The following TOP1 variants were observed in gnomAD, a reference collection of about 807,000 sequenced individuals.
TOP1 encodes the protein DNA topoisomerase I.
Under a neutral mutation model 111.1 loss-of-function variants are expected in TOP1, and 10 were observed. The ratio of observed to expected loss-of-function variants is 0.09; its 90% CI spans 0.06 to 0.15. The LOEUF (loss-of-function observed/expected upper bound fraction) is 0.15. Ranked by LOEUF, TOP1 falls within the 10% of genes least tolerant of loss-of-function variation. The pLI is 1.00. For missense variants in TOP1, 474 were observed against 926.7 expected, an observed-to-expected ratio of 0.51 and a Z score of 6.34; for synonymous variants, 271 against 302.9, an observed-to-expected ratio of 0.89 and a Z score of 1.10.
At chr20:41,088,587 G>A (rs896090890) in intron 8 of TOP1, among the ~76,000 whole-genome samples, 3 of 152,062 alleles carry the variant, frequency 2.0e-5, no homozygotes, top group Non-Finnish European at 4.4e-5. Flanking sequence ...GGTGGCGTTC[G>A]GAATCTCCTC....
In TOP1 at chr20:41,069,364, T is replaced by C. The variant is rs1228691094; in HGVS notation, c.156-6807T>C. ...AACTAACATGGGTAGGCAGAGAAGA[T>C]TGAACAGTTTGGAAATGAGGAAACT... On this transcript the variant is annotated intron_variant, in intron 3 of 20. Coordinates refer to ENST00000361337, the MANE Select transcript of TOP1 (RefSeq NM_003286.4). This position sits in a 1 kb window ranked among gnomAD's most constrained non-coding sequence, Gnocchi z 4.1. Among the ~76,000 whole-genome samples, 1 of 152,206 alleles carries C rather than the reference T, an allele frequency of 6.6e-6. No individual in the cohort carries two copies. Among genetic ancestry groups the C allele is most frequent in the African/African-American group, 2.4e-5 (1 of 41,450 alleles).
chr20:41,035,163 C>T (rs1257414458), intron 2 of TOP1, among the ~76,000 whole-genome samples: 1 of 152,182 alleles, frequency 6.6e-6, no homozygotes, highest in South Asian at 2.1e-4. Flanking sequence ...AAGTGCTGGG[C>T]ATGAGCCACT....
intron 3 of TOP1, among the ~76,000 whole-genome samples, chr20:41,062,198 A>T (rs962160339): frequency 1.3e-5 from 2 of 152,210 alleles, no homozygotes; most frequent in Non-Finnish European, 2.9e-5. Context: ...TGTTGGTGAG[A>T]AAGCCATATG....
intron 2 of TOP1, among the ~76,000 whole-genome samples, chr20:41,045,953 A>C (rs1048414142): frequency 1.3e-5 from 2 of 152,196 alleles, no homozygotes; most frequent in Non-Finnish European, 2.9e-5. Flanking sequence ...GACATATATT[A>C]GTCTGATGGA....
At position 41,061,534 on chromosome 20, in the gene TOP1, T is replaced by C. The variant is rs771638141; in HGVS notation, c.155+44T>C. On this transcript the variant is annotated intron_variant, in intron 3 of 20. Coordinates refer to ENST00000361337, the MANE Select transcript of TOP1 (RefSeq NM_003286.4). This position sits in a 1 kb window ranked among gnomAD's most constrained non-coding sequence, Gnocchi z 4.6. ...AAGTCCCTCATCATTCAGCAGTGGG[T>C]TGGCCATTGCTTGGCTTACCTGGAA... is the stretch of plus-strand genomic sequence containing the variant. The C allele has an allele frequency of 4.6e-6, 7 of 1,521,960 alleles. No individual in the cohort carries two copies. The African/African-American group carries it at 6.9e-5, about 15-fold the overall frequency. 94.3% of individuals were successfully genotyped at this position (1,521,960 alleles called of 1,614,324 possible). A position where few individuals can be genotyped will look rare whatever the true frequency, so the allele number is the denominator to read the frequency against.
chr20:41,064,819 C>G (rs1308269007), intron 3 of TOP1, among the ~76,000 whole-genome samples: 1 of 152,008 alleles, frequency 6.6e-6, no homozygotes, highest in Non-Finnish European at 1.5e-5. Flanking sequence ...TTCCCTATGG[C>G]CTCCTGGACT....
At position 41,092,021 on chromosome 20, in the gene TOP1, A is replaced by G. The variant is rs1034510983; in HGVS notation, c.615-451A>G. On this transcript the variant is annotated intron_variant, in intron 8 of 20. Coordinates refer to ENST00000361337, the MANE Select transcript of TOP1 (RefSeq NM_003286.4). This position sits in a 1 kb window ranked among gnomAD's most constrained non-coding sequence, Gnocchi z 4.3. ...TGCCCCAGTTAAGCTATCATTTCCT[A>G]GTCGTCTTCCTTTATGTCCTTTCTC... 6.6e-6 allele frequency among the ~76,000 whole-genome samples: 1 copy of G among 152,148 alleles called. No homozygotes were observed. Among genetic ancestry groups the G allele is most frequent in the Non-Finnish European group, 1.5e-5 (1 of 68,026 alleles).
rs1375980884 is a variant in TOP1 at position 41,097,570 on chromosome 20, G to A, written c.852+229G>A. On this transcript the variant is annotated intron_variant, in intron 10 of 20. Transcript: ENST00000361337. This position sits in a 1 kb window ranked among gnomAD's most constrained non-coding sequence, Gnocchi z 4.2. Reference sequence around the variant, plus strand: ...TTGGCTCTCATGTGATGGCAGGTAGGTGGGGGTTATCAGATTAGGCCAAAC... The same window carrying A: ...TTGGCTCTCATGTGATGGCAGGTAGATGGGGGTTATCAGATTAGGCCAAAC... Among the ~76,000 whole-genome samples the A allele has an allele frequency of 1.3e-5, 2 of 152,174 alleles. No individual in the cohort carries two copies. Among genetic ancestry groups the A allele is most frequent in the African/African-American group, 4.8e-5 (2 of 41,428 alleles).
intron 14 of TOP1, 51 bp from the exon 15 acceptor site, chr20:41,113,919 A>G: frequency 7.4e-7 from 1 of 1,344,604 alleles, no homozygotes; most frequent in Non-Finnish European, 1.0e-6. Context: ...AAATTGTGTA[A>G]GGATCATGTC....
chr20:41,034,433 T>A lies in TOP1; in HGVS notation c.58+4978T>A, dbSNP rs2122585545. On this transcript the variant is annotated intron_variant, in intron 2 of 20. Coordinates refer to ENST00000361337, the MANE Select transcript of TOP1 (RefSeq NM_003286.4). The surrounding 1 kb of genome is among the most constrained non-coding windows in gnomAD (Gnocchi z 4.0). ...ACCCCCACCCTCCCTGCCACCTGCC[T>A]ATCTAGATGTGGACAGTATGTGCTG... Among the ~76,000 whole-genome samples, 1 of 152,260 alleles carries A rather than the reference T, an allele frequency of 6.6e-6. No individual in the cohort carries two copies. Among genetic ancestry groups the A allele is most frequent in the African/African-American group, 2.4e-5 (1 of 41,548 alleles).
chr20:41,122,680 G>A lies in TOP1; in HGVS notation c.2196-515G>A, dbSNP rs141087900. Reference sequence around the variant, plus strand: ...CATAACATCTGAAACAAGTGGCTTTGTTATGGAAGATGTTTAGTTTGAGCT... The same window carrying A: ...CATAACATCTGAAACAAGTGGCTTTATTATGGAAGATGTTTAGTTTGAGCT... On this transcript the variant is annotated intron_variant, in intron 20 of 20. Transcript: ENST00000361337. The surrounding 1 kb of genome is among the most constrained non-coding windows in gnomAD (Gnocchi z 5.4). Among the ~76,000 whole-genome samples the A allele has an allele frequency of 6.6e-6, 1 of 152,358 alleles. No homozygotes were observed. Among genetic ancestry groups the A allele is most frequent in the African/African-American group, 2.4e-5 (1 of 41,582 alleles).
rs557615355 is a variant in TOP1 at position 41,032,811 on chromosome 20, G to A, written c.58+3356G>A. Among the ~76,000 whole-genome samples the A allele has an allele frequency of 6.6e-6, 1 of 152,308 alleles. No homozygotes were observed. The highest frequency in any genetic ancestry group is 1.9e-4 in the East Asian group (1 of 5,192). On this transcript the variant is annotated intron_variant, in intron 2 of 20. Coordinates refer to ENST00000361337, the MANE Select transcript of TOP1 (RefSeq NM_003286.4). This position sits in a 1 kb window ranked among gnomAD's most constrained non-coding sequence, Gnocchi z 4.3. ...GTCTGTTGGGTATGGGTTGGGATGG[G>A]CGGTAGCATAGCTGATTGCGGTGGG... is the stretch of plus-strand genomic sequence containing the variant.
intron 8 of TOP1, among the ~76,000 whole-genome samples, chr20:41,087,168 T>G (rs1294881629): frequency 2.6e-5 from 4 of 152,222 alleles, no homozygotes; most frequent in Admixed American, 1.3e-4. Context: ...CCTTTGGTAA[T>G]TGTTCAGTTG....
chr20:41,043,765 T>G (rs1261029328), intron 2 of TOP1, among the ~76,000 whole-genome samples: 3 of 152,176 alleles, frequency 2.0e-5, no homozygotes, highest in Non-Finnish European at 2.9e-5. Flanking sequence ...TTGTAGTCAC[T>G]CTCACTCTTC....
chr20:41,087,070 A>G (rs1433272626), intron 8 of TOP1, among the ~76,000 whole-genome samples: 4 of 152,228 alleles, frequency 2.6e-5, no homozygotes, highest in Non-Finnish European at 4.4e-5. Context: ...AAGCTTGACA[A>G]ATTTGCAGAT....
Position 41,095,793 on chromosome 20 carries a change from G to T in TOP1, c.731-1427G>T, listed in dbSNP as rs2033974286. On this transcript the variant is annotated intron_variant, in intron 9 of 20. Transcript: ENST00000361337. The surrounding 1 kb of genome is among the most constrained non-coding windows in gnomAD (Gnocchi z 4.6). ...ATACCTGTGTAATAGTAAGGTGGTGGAATTATAGTTAACCTCATTTTAAGT... is the reference window on the plus strand; with the variant it reads ...ATACCTGTGTAATAGTAAGGTGGTGTAATTATAGTTAACCTCATTTTAAGT... 6.6e-6 allele frequency among the ~76,000 whole-genome samples: 1 copy of T among 152,192 alleles called. No homozygotes were observed. Among genetic ancestry groups the T allele is most frequent in the South Asian group, 2.1e-4 (1 of 4,826 alleles).
In TOP1 at chr20:41,116,337, C is replaced by T; in HGVS notation, c.1767C>T (p.Phe589=). 5 of 1,613,674 alleles carry T rather than the reference C, an allele frequency of 3.1e-6. No individual in the cohort carries two copies. The highest frequency in any genetic ancestry group is 4.2e-6 in the Non-Finnish European group (5 of 1,180,034). The change falls in exon 17 of 21, where the codon TTC becomes TTT. Residue 589 remains phenylalanine (F), a synonymous_variant. Coordinates refer to ENST00000361337, the MANE Select transcript of TOP1 (RefSeq NM_003286.4). This position sits in a 1 kb window ranked among gnomAD's most constrained non-coding sequence, Gnocchi z 5.6. Reference sequence around the variant, plus strand: ...TGGAGGGCTTGACAGCCAAGGTATTCCGTACATACAATGCCTCCATCACGC... The same window carrying T: ...TGGAGGGCTTGACAGCCAAGGTATTTCGTACATACAATGCCTCCATCACGC... ...DLMEGLTAKV[F]RTYNASITLQ...
In TOP1 at chr20:41,067,181, G is replaced by A. The variant is rs1384968634; in HGVS notation, c.155+5691G>A. 1.3e-5 allele frequency among the ~76,000 whole-genome samples: 2 copies of A among 151,970 alleles called. No individual in the cohort carries two copies. Among genetic ancestry groups the A allele is most frequent in the Non-Finnish European group, 2.9e-5 (2 of 67,990 alleles). ...GTCACCCAGGCTGGAGTGCAGTGGT[G>A]TGATCTCGGCTCACTGCAACCTCTG... is the stretch of plus-strand genomic sequence containing the variant. On this transcript the variant is annotated intron_variant, in intron 3 of 20. Coordinates refer to ENST00000361337, the MANE Select transcript of TOP1 (RefSeq NM_003286.4). This position sits in a 1 kb window ranked among gnomAD's most constrained non-coding sequence, Gnocchi z 4.0.
intron 3 of TOP1, among the ~76,000 whole-genome samples, chr20:41,066,838 G>C (rs1030150899): frequency 2.0e-5 from 3 of 152,128 alleles, no homozygotes; most frequent in African/African-American, 7.2e-5. Context: ...ACAGGCGTGA[G>C]CCACCGCGCC....
Sources: allele counts gnomAD v4.1 joint callset (sites outside exome capture counted in the v4.1 genomes callset), GRCh38; gene constraint gnomAD v4.1.1; non-coding constraint Gnocchi (gnomAD v3.1); transcripts MANE v1.5; gene names NCBI Gene and HGNC (gene_info 2026-07-23, HGNC 2026-07-21).